The following PALM2AKAP2 variants were observed in gnomAD, a reference collection of about 807,000 sequenced individuals.
PALM2AKAP2 encodes the protein PALM2-AKAP2 fusion protein.
A neutral mutation model predicts 71.5 loss-of-function variants in PALM2AKAP2; 37 were observed. The ratio of observed to expected loss-of-function variants is 0.52; its 90% CI spans 0.40 to 0.68. The LOEUF (loss-of-function observed/expected upper bound fraction) is 0.68. PALM2AKAP2 is among the 30% of genes least tolerant of loss of function. PALM2AKAP2 has a pLI of 0.00. For synonymous variants in PALM2AKAP2, 468 were observed against 478.8 expected, an observed-to-expected ratio of 0.98 and a Z score of 0.29; for missense variants, 1,224 against 1,191.8, an observed-to-expected ratio of 1.03 and a Z score of -0.40.
rs117275274 is a variant in PALM2AKAP2 at position 109,969,550 on chromosome 9, C to T, written c.496+37522C>T. Reference sequence around the variant, plus strand: ...CTCAGTCGTTCACGGGGCTCTCTCCCACCCAAGGTCATGCAAAGGTGACAT... The same window carrying T: ...CTCAGTCGTTCACGGGGCTCTCTCCTACCCAAGGTCATGCAAAGGTGACAT... On this transcript the variant is annotated intron_variant, in intron 6 of 9. Coordinates refer to the PALM2AKAP2 transcript ENST00000302798. 1.5e-3 allele frequency among the ~76,000 whole-genome samples: 222 copies of T among 152,366 alleles called. 2 individuals are homozygous for T. Among genetic ancestry groups the T allele is most frequent in the Non-Finnish European group, 2.1e-3 (146 of 68,040 alleles).
rs760236538 is a variant in PALM2AKAP2, at chr9:109,774,643, GA to G, written c.6-5843del. ...TACTGACTAATGGGAGGAATGTTAA[GA>G]ATACCGATAGCTCAACCCTTAAAAA... is the stretch of plus-strand genomic sequence containing the variant. On this transcript the variant is annotated intron_variant, in intron 1 of 6. Transcript: ENST00000374531. Among the ~76,000 whole-genome samples the G allele has an allele frequency of 1.7e-4, 25 of 150,862 alleles. 1 individual carries two copies. The highest frequency in any genetic ancestry group is 1.1e-3 in the Admixed American group (17 of 15,180).
At chr9:109,737,190 C>G (rs765605624) in intron 1 of PALM2AKAP2, among the ~76,000 whole-genome samples, 1 of 152,174 alleles carries the variant, frequency 6.6e-6, no homozygotes, top group African/African-American at 2.4e-5. Flanking sequence ...ATCCTGGAAA[C>G]GCTATGATTA....
chr9:109,773,630 T>C (rs1256172865), intron 1 of PALM2AKAP2, among the ~76,000 whole-genome samples: 1 of 152,234 alleles, frequency 6.6e-6, no homozygotes, highest in East Asian at 1.9e-4. Flanking sequence ...AGTTTACAGA[T>C]GGAAAACCTA....
At position 109,854,763 on chromosome 9, in the gene PALM2AKAP2, C is replaced by CTTTTTT. The variant is rs34401582; in HGVS notation, c.46-12706_46-12701dup. On this transcript the variant is annotated intron_variant, in intron 1 of 9. Transcript: ENST00000302798. ...GTAGTCAGTTTTTAAAAGAATGTAT[C>CTTTTTT]TTTTTTTTTTTTTTTTTTTTTTTTT... Among the ~76,000 whole-genome samples, 339 of 66,180 alleles carry CTTTTTT rather than the reference C, an allele frequency of 5.1e-3. 61 individuals carry two copies. Among genetic ancestry groups the CTTTTTT allele is most frequent in the African/African-American group, 0.019 (304 of 16,174 alleles). 43.4% of individuals were successfully genotyped at this position (66,180 alleles called of 152,430 possible).
At chr9:109,698,539 A>G (rs896943323) in intron 1 of PALM2AKAP2, among the ~76,000 whole-genome samples, 2 of 152,138 alleles carry the variant, frequency 1.3e-5, no homozygotes, top group African/African-American at 2.4e-5. Flanking sequence ...TCGGTCTCTC[A>G]AAGTATTGGG....
At chr9:109,765,992 C>T (rs1256198564) in intron 1 of PALM2AKAP2, among the ~76,000 whole-genome samples, 1 of 152,190 alleles carries the variant, frequency 6.6e-6, no homozygotes, top group Non-Finnish European at 1.5e-5. Context: ...TGTCACATGC[C>T]TGCCTTCTGG....
At chr9:110,142,690 G>A (rs747315318) in intron 2 of PALM2AKAP2, among the ~76,000 whole-genome samples, 4 of 152,182 alleles carry the variant, frequency 2.6e-5, no homozygotes, top group Non-Finnish European at 5.9e-5. Flanking sequence ...AGGGGAGAAG[G>A]AAGGGCACCT....
intron 3 of PALM2AKAP2, among the ~76,000 whole-genome samples, chr9:109,905,519 C>T (rs1208993933): frequency 6.6e-6 from 1 of 152,166 alleles, no homozygotes; most frequent in Non-Finnish European, 1.5e-5. Flanking sequence ...CCGTGAGAAA[C>T]CAACAGTGCA....
At chr9:109,982,634 A>AAC (rs1554732632) in intron 6 of PALM2AKAP2, among the ~76,000 whole-genome samples, 7 of 152,026 alleles carry the variant, frequency 4.6e-5, no homozygotes, top group African/African-American at 7.2e-5. Flanking sequence ...AATTTTTTTA[A>AAC]AGAGAGAGAG....
chr9:110,062,751 A>G (rs981230653), intron 1 of PALM2AKAP2, among the ~76,000 whole-genome samples: 1 of 152,176 alleles, frequency 6.6e-6, no homozygotes. Context: ...ACAGAAATCT[A>G]TTTTCTCATA....
At position 109,772,794 on chromosome 9, in the gene PALM2AKAP2, C is replaced by T. The variant is rs188094690; in HGVS notation, c.6-7694C>T. Reference sequence around the variant, plus strand: ...TATGTGTTAGCACAACCTTTTCTCCCGGTGCACTGAGTCTACAGTGGCTAT... The same window carrying T: ...TATGTGTTAGCACAACCTTTTCTCCTGGTGCACTGAGTCTACAGTGGCTAT... On this transcript the variant is annotated intron_variant, in intron 1 of 6. Transcript: ENST00000374531. Among the ~76,000 whole-genome samples the T allele has an allele frequency of 2.4e-4, 36 of 152,300 alleles. No individual in the cohort carries two copies. In the East Asian group the frequency reaches 6.2e-3, roughly 26 times the overall value.
In PALM2AKAP2 at chr9:110,125,587, T is replaced by C. The variant is rs560639563; in HGVS notation, c.157-10540T>C. ...CACTGAGGAGGTTTGAGGCGCGCGC[T>C]CTGGGCAGGGTAAGCCAAGTCTGCT... On this transcript the variant is annotated intron_variant, in intron 1 of 3. Coordinates refer to ENST00000374525, the Ensembl canonical transcript of PALM2AKAP2. 18 of 985,468 alleles carry C rather than the reference T, an allele frequency of 1.8e-5. No individual in the cohort carries two copies. The South Asian group carries it at 8.5e-4, about 46-fold the overall frequency. 61.0% of individuals were successfully genotyped at this position (985,468 alleles called of 1,614,324 possible). A position where few individuals can be genotyped will look rare whatever the true frequency, so the allele number is the denominator to read the frequency against.
intron 1 of PALM2AKAP2, among the ~76,000 whole-genome samples, chr9:110,099,989 A>G (rs1834951855): frequency 7.0e-6 from 1 of 143,714 alleles, no homozygotes; most frequent in Non-Finnish European, 1.5e-5. Context: ...CAATTCACAC[A>G]TATAACATGC....
intron 3 of PALM2AKAP2, among the ~76,000 whole-genome samples, chr9:110,164,037 T>A (rs188944909): frequency 6.6e-6 from 1 of 152,212 alleles, no homozygotes; most frequent in African/African-American, 2.4e-5. Flanking sequence ...TATTTAAATA[T>A]AGAGCTGACC....
upstream of PALM2AKAP2, among the ~76,000 whole-genome samples, chr9:110,046,090 T>A (rs1182715014): frequency 2.6e-5 from 4 of 152,188 alleles, no homozygotes; most frequent in Non-Finnish European, 4.4e-5. Context: ...TCAATCACCC[T>A]CAATTGGGAA....
chr9:109,968,694 A>G (rs532801066), intron 6 of PALM2AKAP2, among the ~76,000 whole-genome samples: 1 of 152,292 alleles, frequency 6.6e-6, no homozygotes, highest in African/African-American at 2.4e-5. Flanking sequence ...TGTGAAATCA[A>G]TGCACAGGAA....
At chr9:109,837,484 A>C (rs1035388627) in intron 1 of PALM2AKAP2, among the ~76,000 whole-genome samples, 4 of 152,200 alleles carry the variant, frequency 2.6e-5, no homozygotes, top group South Asian at 2.1e-4. Context: ...CGAGCAAAAT[A>C]ACCAGCTAAC....
At chr9:109,685,629 A>G (rs951598150) in intron 1 of PALM2AKAP2, among the ~76,000 whole-genome samples, 5 of 152,140 alleles carry the variant, frequency 3.3e-5, no homozygotes, top group African/African-American at 9.7e-5. Context: ...AAAATACTTT[A>G]TTGCTAAAAA....
chr9:110,138,651 TG>T, intron 2 of PALM2AKAP2, 112 bp downstream of exon 8: 5 of 1,437,310 alleles, frequency 3.5e-6, no homozygotes, highest in Non-Finnish European at 4.5e-6. Context: ...GAATAAGTGT[TG>T]GGGGGACACT....
Sources: allele counts gnomAD v4.1 joint callset (sites outside exome capture counted in the v4.1 genomes callset), GRCh38; gene constraint gnomAD v4.1.1; transcripts MANE v1.5; gene names NCBI Gene and HGNC (gene_info 2026-07-23, HGNC 2026-07-21).